The following MSRA variants were observed in gnomAD, a reference collection of about 807,000 sequenced individuals.
MSRA encodes the protein methionine sulfoxide reductase A, also known as mitochondrial peptide methionine sulfoxide reductase.
A neutral mutation model predicts 31.3 loss-of-function variants in MSRA; 54 were observed. The ratio of observed to expected loss-of-function variants is 1.73; its 90% CI spans 1.39 to 2.17. The LOEUF (loss-of-function observed/expected upper bound fraction) is 2.17, where lower values mean the gene tolerates loss of function less well. Among genes scored for constraint, MSRA ranks in the 30% most tolerant of loss-of-function variants. MSRA has a pLI of 0.00. For missense variants in MSRA, 507 were observed against 300.9 expected (o/e 1.69, Z -5.07); for synonymous variants, 169 against 116.5 (o/e 1.45, Z -2.90).
intron 1 of MSRA, chr8:10,095,710 A>G (rs1214134544): frequency 9.5e-7 from 1 of 1,057,450 alleles, no homozygotes; most frequent in Non-Finnish European, 1.1e-6. Flanking sequence ...AGAAAAACTC[A>G]GAACTTTTTG....
At chr8:10,313,788 A>G (rs1337365446) in intron 4 of MSRA, among the ~76,000 whole-genome samples, 2 of 152,266 alleles carry the variant, frequency 1.3e-5, no homozygotes, top group Admixed American at 6.5e-5. Flanking sequence ...TCGAGTCATT[A>G]TAAAGCTACA....
intron 1 of MSRA, among the ~76,000 whole-genome samples, chr8:10,092,966 C>A (rs1387991877): frequency 1.3e-5 from 2 of 152,118 alleles, no homozygotes; most frequent in African/African-American, 2.4e-5. Flanking sequence ...CAAGCGTTTT[C>A]TTAAAGTCTG....
intron 5 of MSRA, among the ~76,000 whole-genome samples, chr8:10,336,263 T>C (rs1300132831): frequency 6.6e-6 from 1 of 152,024 alleles, no homozygotes; most frequent in Non-Finnish European, 1.5e-5. Context: ...AGAAAAATAC[T>C]GTGAGAAAAA....
chr8:10,145,658 A>AT (rs1377696777), intron 1 of MSRA, among the ~76,000 whole-genome samples: 1 of 152,170 alleles, frequency 6.6e-6, no homozygotes, highest in Non-Finnish European at 1.5e-5. Flanking sequence ...CAATATAAAA[A>AT]TTATTCTTGG....
At chr8:10,357,777 A>G (rs745378592) in intron 5 of MSRA, among the ~76,000 whole-genome samples, 1 of 152,254 alleles carries the variant, frequency 6.6e-6, no homozygotes, top group Non-Finnish European at 1.5e-5. Context: ...ACACCATACA[A>G]TGTGTAGTGC....
chr8:10,119,462 G>A (rs567515075), intron 1 of MSRA, among the ~76,000 whole-genome samples: 1 of 152,300 alleles, frequency 6.6e-6, no homozygotes, highest in Non-Finnish European at 1.5e-5. Context: ...CTTGTAGCAG[G>A]CTGATGATTG....
intron 5 of MSRA, among the ~76,000 whole-genome samples, chr8:10,361,437 G>C (rs568369691): frequency 5.3e-5 from 8 of 152,050 alleles, no homozygotes; most frequent in Non-Finnish European, 1.0e-4. Flanking sequence ...TCACTTTTAC[G>C]TGGTTGTGGC....
At position 10,205,183 on chromosome 8, in the gene MSRA, G is replaced by A. The variant is rs189881799; in HGVS notation, c.143-2650G>A. On this transcript the variant is annotated intron_variant, in intron 1 of 5. Coordinates refer to ENST00000317173, the MANE Select transcript of MSRA (RefSeq NM_012331.5). ...TTTTTTTCCCTTTGGAAAGATAATT[G>A]TGGCTACCTTGGGAAGAATGAATTG... Among the ~76,000 whole-genome samples, 53 of 152,306 alleles carry A rather than the reference G, an allele frequency of 3.5e-4. No individual in the cohort carries two copies. The East Asian group carries it at 6.6e-3, about 19-fold the overall frequency.
chr8:10,080,199 A>G (rs1165849451), intron 1 of MSRA, among the ~76,000 whole-genome samples: 2 of 152,142 alleles, frequency 1.3e-5, no homozygotes, highest in Non-Finnish European at 2.9e-5. Flanking sequence ...TCTCTTTCTC[A>G]GTCTAGGGGA....
At chr8:10,096,895 T>C (rs1799192586) in intron 1 of MSRA, among the ~76,000 whole-genome samples, 1 of 152,214 alleles carries the variant, frequency 6.6e-6, no homozygotes, top group Non-Finnish European at 1.5e-5. Flanking sequence ...TGACTTCCTA[T>C]AATCATGTAT....
chr8:10,283,355 C>T lies in MSRA; in HGVS notation c.332-18179C>T, dbSNP rs184596605. Among the ~76,000 whole-genome samples, 8 of 152,216 alleles carry T rather than the reference C, an allele frequency of 5.3e-5. No homozygotes were observed. The East Asian group carries it at 1.5e-3, about 29-fold the overall frequency. Reference sequence around the variant, plus strand: ...CATATTTATTAGGAGTATTGTGCTCCTATCCAGCAGCTAAAGCTGCTTCGT... The same window carrying T: ...CATATTTATTAGGAGTATTGTGCTCTTATCCAGCAGCTAAAGCTGCTTCGT... On this transcript the variant is annotated intron_variant, in intron 3 of 5. Coordinates refer to ENST00000317173, the MANE Select transcript of MSRA (RefSeq NM_012331.5).
intron 1 of MSRA, among the ~76,000 whole-genome samples, chr8:10,142,829 C>T (rs1489889441): frequency 6.6e-6 from 1 of 152,172 alleles, no homozygotes; most frequent in African/African-American, 2.4e-5. Flanking sequence ...AATGCAGATT[C>T]ACTTATTGCC....
intron 1 of MSRA, among the ~76,000 whole-genome samples, chr8:10,099,371 TG>T: frequency 6.6e-6 from 1 of 152,292 alleles, no homozygotes; most frequent in Admixed American, 6.5e-5. Flanking sequence ...ACTTGCTCTG[TG>T]CCAGGCAAAA....
intron 1 of MSRA, among the ~76,000 whole-genome samples, chr8:10,091,265 C>T (rs1798840031): frequency 6.6e-6 from 1 of 152,116 alleles, no homozygotes; most frequent in African/African-American, 2.4e-5. Flanking sequence ...GTTCATTATT[C>T]ACATTTAAAA....
intron 5 of MSRA, among the ~76,000 whole-genome samples, chr8:10,413,140 G>T (rs969148617): frequency 1.3e-5 from 2 of 152,296 alleles, no homozygotes; most frequent in Non-Finnish European, 1.5e-5. Context: ...CCCTGATCTC[G>T]CCTGTGGCTG....
intron 3 of MSRA, among the ~76,000 whole-genome samples, chr8:10,259,229 C>G (rs1162145280): frequency 6.6e-6 from 1 of 152,086 alleles, no homozygotes; most frequent in South Asian, 2.1e-4. Flanking sequence ...TCTGGCAAAA[C>G]TGAGGGAATT....
chr8:10,296,866 C>G (rs1800572148), intron 3 of MSRA, among the ~76,000 whole-genome samples: 1 of 152,222 alleles, frequency 6.6e-6, no homozygotes, highest in Admixed American at 6.5e-5. Flanking sequence ...GACAATCTGA[C>G]TCCTCACCAC....
At chr8:10,396,180 A>T (rs1807086442) in intron 5 of MSRA, among the ~76,000 whole-genome samples, 1 of 151,950 alleles carries the variant, frequency 6.6e-6, no homozygotes, top group African/African-American at 2.4e-5. Context: ...GCTGTTATTG[A>T]TGATCTTTGT....
chr8:10,142,011 T>G (rs528679789), intron 1 of MSRA, among the ~76,000 whole-genome samples: 27 of 152,314 alleles, frequency 1.8e-4, no homozygotes, highest in African/African-American at 6.0e-4. Context: ...CAGTCTGGAG[T>G]GCAATGGCGC....
Sources: gnomAD v4.1 joint callset for allele counts (sites outside exome capture counted in the v4.1 genomes callset) on GRCh38, gnomAD v4.1.1 for gene constraint, MANE v1.5 for transcripts, NCBI Gene and HGNC (gene_info 2026-07-23, HGNC 2026-07-21) for gene names.